Variants in PCDH9 observed in about 807,000 individuals in gnomAD.
PCDH9 encodes the protein protocadherin-9.
In PCDH9, 24 loss-of-function variants were observed where a neutral mutation model predicts 70.6. The ratio of observed to expected loss-of-function variants is 0.34; its 90% CI spans 0.25 to 0.48. The LOEUF is 0.48. Among genes scored for constraint, PCDH9 ranks in the 20% least tolerant of loss-of-function variants. The probability of loss-of-function intolerance (pLI) is 0.99; values close to 1 mark genes in which losing one functional copy is unlikely to be tolerated. For synonymous variants in PCDH9, 562 were observed against 558.5 expected (o/e 1.01, Z -0.09); for missense variants, 1,281 against 1,503.6 (o/e 0.85, Z 2.45).
At chr13:66,758,581 T>C (rs2079573108) in intron 3 of PCDH9, among the ~76,000 whole-genome samples, 1 of 152,056 alleles carries the variant, frequency 6.6e-6, no homozygotes, top group African/African-American at 2.4e-5. Context: ...CAAGTGGTCT[T>C]CTTTTTTGGT....
intron 4 of PCDH9, among the ~76,000 whole-genome samples, chr13:66,388,089 A>C (rs937720169): frequency 3.9e-5 from 6 of 152,188 alleles, no homozygotes; most frequent in African/African-American, 1.4e-4. Flanking sequence ...TGAGTATTCT[A>C]TCAGATTGAT....
chr13:66,708,408 T>TTG (rs985095830), intron 3 of PCDH9, among the ~76,000 whole-genome samples: 5 of 151,076 alleles, frequency 3.3e-5, no homozygotes, highest in Admixed American at 1.3e-4. Flanking sequence ...ATTTAGTTTT[T>TTG]TTTTTTTTTT....
chr13:66,445,594 TTATATACACATATATATTA>T (rs1196734372), intron 4 of PCDH9, among the ~76,000 whole-genome samples: 9 of 132,864 alleles, frequency 6.8e-5, no homozygotes, highest in South Asian at 4.4e-4. Context: ...CACATATATA[TTATATACACATATATATTA>T]TATATACACA....
intron 3 of PCDH9, among the ~76,000 whole-genome samples, chr13:66,715,153 G>A (rs947258649): frequency 1.3e-5 from 2 of 152,056 alleles, no homozygotes; most frequent in Non-Finnish European, 2.9e-5. Flanking sequence ...CAGTCACTGG[G>A]CATTTTTCTG....
intron 4 of PCDH9, among the ~76,000 whole-genome samples, chr13:66,318,423 CACAG>C (rs1955693405): frequency 6.6e-6 from 1 of 152,106 alleles, no homozygotes; most frequent in Non-Finnish European, 1.5e-5. Flanking sequence ...CCATATTTAT[CACAG>C]ACAAACCATT....
intron 4 of PCDH9, among the ~76,000 whole-genome samples, chr13:66,380,611 T>G (rs1469205740): frequency 7.2e-6 from 1 of 138,672 alleles, no homozygotes. Flanking sequence ...TGGCGTCATC[T>G]CGGCTCACTG....
At chr13:66,810,034 T>C (rs1040675400) in intron 3 of PCDH9, among the ~76,000 whole-genome samples, 10 of 152,064 alleles carry the variant, frequency 6.6e-5, no homozygotes, top group Non-Finnish European at 1.2e-4. Flanking sequence ...GAGGAGAATA[T>C]ATGGGGAAAA....
chr13:66,332,847 A>C (rs1955968529), intron 4 of PCDH9, among the ~76,000 whole-genome samples: 1 of 151,528 alleles, frequency 6.6e-6, no homozygotes, highest in South Asian at 2.1e-4. Context: ...TAAAATCACT[A>C]TGTGAAAATA....
At chr13:66,336,102 A>G (rs1018328752) in intron 4 of PCDH9, among the ~76,000 whole-genome samples, 1 of 151,990 alleles carries the variant, frequency 6.6e-6, no homozygotes. Flanking sequence ...GAGATATGAA[A>G]GGCCCCATCT....
At chr13:66,395,686 G>C (rs187742747) in intron 4 of PCDH9, among the ~76,000 whole-genome samples, 1 of 152,126 alleles carries the variant, frequency 6.6e-6, no homozygotes, top group East Asian at 1.9e-4. Context: ...CATATATTAA[G>C]AACAATATTT....
chr13:66,708,292 G>A (rs550916955), intron 3 of PCDH9, among the ~76,000 whole-genome samples: 7 of 151,640 alleles, frequency 4.6e-5, no homozygotes, highest in South Asian at 2.1e-4. Flanking sequence ...CTCGTGATCC[G>A]CCCGCCTCGG....
Position 66,601,346 on chromosome 13 carries a change from C to T in PCDH9, c.3340+29864G>A, listed in dbSNP as rs781735838. On this transcript the variant is annotated intron_variant, in intron 4 of 4. Transcript: ENST00000377865. ...TGCTCTATTATTTAAAATACAAACA[C>T]ACACACCCCTCTGGATAATTTTTGC... Among the ~76,000 whole-genome samples, 8 of 146,036 alleles carry T rather than the reference C, an allele frequency of 5.5e-5. 2 individuals carry two copies. Among genetic ancestry groups the T allele is most frequent in the Non-Finnish European group, 1.2e-4 (8 of 64,964 alleles).
chr13:66,844,763 T>A (rs904705774), intron 3 of PCDH9, among the ~76,000 whole-genome samples: 1 of 152,146 alleles, frequency 6.6e-6, no homozygotes, highest in African/African-American at 2.4e-5. Context: ...GTTTTTGAAG[T>A]AATTTAGTCC....
intron 4 of PCDH9, among the ~76,000 whole-genome samples, chr13:66,618,943 C>T (rs919628201): frequency 6.6e-6 from 1 of 152,094 alleles, no homozygotes; most frequent in South Asian, 2.1e-4. Flanking sequence ...GATTTTTCCA[C>T]CACACTAAAC....
chr13:67,053,359 C>T (rs571035783), intron 2 of PCDH9, among the ~76,000 whole-genome samples: 5 of 151,940 alleles, frequency 3.3e-5, no homozygotes, highest in South Asian at 2.1e-4. Flanking sequence ...ATAGCACAGA[C>T]GAAACAGGAC....
In PCDH9 at chr13:66,926,830, C is replaced by T. The variant is rs571254123; in HGVS notation, c.3037-23225G>A. ...TTCCTATTTTACATGAGCTTACATT[C>T]TTTTAGGGGTGATAGATACACAAAA... is the stretch of plus-strand genomic sequence containing the variant. On this transcript the variant is annotated intron_variant, in intron 2 of 4. Transcript: ENST00000377865. Among the ~76,000 whole-genome samples the T allele has an allele frequency of 1.2e-3, 184 of 151,540 alleles. 1 individual carries two copies. The highest frequency in any genetic ancestry group is 4.3e-3 in the African/African-American group (178 of 41,006).
At chr13:67,215,427 A>G (rs1472014165) in intron 2 of PCDH9, 4 of 152,110 alleles carry the variant, frequency 2.6e-5, no homozygotes, top group Admixed American at 2.6e-4. Context: ...ACGTATCTCT[A>G]TCAAGCACCT....
At chr13:66,642,230 A>G (rs2077718180) in intron 3 of PCDH9, among the ~76,000 whole-genome samples, 1 of 152,058 alleles carries the variant, frequency 6.6e-6, no homozygotes, top group Non-Finnish European at 1.5e-5. Flanking sequence ...TTACTTATTA[A>G]TGTTGAAAAT....
chr13:66,366,360 C>T (rs1956555081), intron 4 of PCDH9, among the ~76,000 whole-genome samples: 1 of 151,814 alleles, frequency 6.6e-6, no homozygotes, highest in African/African-American at 2.4e-5. Context: ...AATTTTTTTG[C>T]ATGTTCCTAA....
Sources: gnomAD v4.1 joint callset for allele counts (sites outside exome capture counted in the v4.1 genomes callset) on GRCh38, gnomAD v4.1.1 for gene constraint, MANE v1.5 for transcripts, NCBI Gene and HGNC (gene_info 2026-07-23, HGNC 2026-07-21) for gene names.